Variants in OBSL1 observed in about 807,000 individuals in gnomAD.
OBSL1 encodes obscurin-like protein 1.
In OBSL1, 160 loss-of-function variants were observed where a neutral mutation model predicts 172.0. The ratio of observed to expected loss-of-function variants is 0.93; its 90% confidence interval spans 0.82 to 1.06. The LOEUF is 1.06. OBSL1 is among the 50% of genes least tolerant of loss of function. The probability of loss-of-function intolerance (pLI) is 0.00; values close to 1 mark genes in which losing one functional copy is unlikely to be tolerated. For synonymous variants in OBSL1, 1,200 were observed against 1,196.3 expected, an observed-to-expected ratio of 1.00 and a Z score of -0.06; for missense variants, 2,681 against 2,715.4, an observed-to-expected ratio of 0.99 and a Z score of 0.28.
intron 17 of OBSL1, 83 bp downstream of exon 17, chr2:219,552,785 G>T (rs1004611857): frequency 2.6e-6 from 4 of 1,516,820 alleles, no homozygotes; most frequent in African/African-American, 2.8e-5. Flanking sequence ...AGAAGCACGC[G>T]CGGTCATCAG....
chr2:219,549,292 G>T (rs756736009), downstream of OBSL1: 42 of 1,613,792 alleles, frequency 2.6e-5, no homozygotes, highest in Non-Finnish European at 3.4e-5. Flanking sequence ...TGGGCCACCA[G>T]ACCCTGCTTA....
chr2:219,555,358 C>T lies in OBSL1; in HGVS notation c.4610-618G>A, dbSNP rs111897435. 9.2e-3 allele frequency: 1,422 copies of T among 154,458 alleles called. 18 individuals carry two copies. Among genetic ancestry groups the T allele is most frequent in the African/African-American group, 0.032 (1,322 of 41,570 alleles). 9.6% of individuals were successfully genotyped at this position (154,458 alleles called of 1,614,324 possible). A position where few individuals can be genotyped will look rare whatever the true frequency, so the allele number is the denominator to read the frequency against. On this transcript the variant is annotated intron_variant, in intron 14 of 20. Transcript: ENST00000404537. ...TGTCACCCAGGCTGGAATGCCGTGACATGATCATAGCTCACTATAGCCTCA... is the reference window on the plus strand; with the variant it reads ...TGTCACCCAGGCTGGAATGCCGTGATATGATCATAGCTCACTATAGCCTCA...
At chr2:219,549,295 C>T, downstream of OBSL1, 1 of 1,613,910 alleles carries the variant, frequency 6.2e-7, no homozygotes, top group Non-Finnish European at 8.5e-7. Flanking sequence ...GCCACCAGAC[C>T]CTGCTTATCG....
chr2:219,548,043 A>G, downstream of OBSL1: 1 of 1,581,626 alleles, frequency 6.3e-7, no homozygotes, highest in Non-Finnish European at 8.6e-7. Context: ...GTTCTGGTGC[A>G]GTGGAGGGTG....
rs980006133 is a variant in OBSL1 at position 219,563,232 on chromosome 2, G to A, written c.2680+123C>T. On this transcript the variant is annotated intron_variant, in intron 7 of 20. Transcript: ENST00000404537. ...GCTTGAGGAGAAAGGGAGGAGGTCCGATCTGCCAGGGGGAGGGCAGTAGGG... is the reference window on the plus strand; with the variant it reads ...GCTTGAGGAGAAAGGGAGGAGGTCCAATCTGCCAGGGGGAGGGCAGTAGGG... The A allele has an allele frequency of 9.0e-6, 9 of 996,460 alleles. No individual in the cohort carries two copies. In the African/African-American group the frequency reaches 9.8e-5, roughly 11 times the overall value. The allele number at this position is 996,460 out of a possible 1,614,324, so 61.7% of individuals were successfully genotyped here. A position where few individuals can be genotyped will look rare whatever the true frequency, so the allele number is the denominator to read the frequency against.
In OBSL1 at chr2:219,566,909, G is replaced by T. The variant is rs1043537; in HGVS notation, c.2055C>A (p.Ala685=). 378,307 of 1,609,902 alleles carry T rather than the reference G, an allele frequency of 0.23. 46,655 individuals carry two copies. Among genetic ancestry groups the T allele is most frequent in the South Asian group, 0.3 (26,918 of 91,040 alleles). The change falls in exon 5 of 21, where the codon GCC becomes GCA. Residue 685 remains alanine (A), a synonymous_variant. Coordinates refer to ENST00000404537, the MANE Select transcript of OBSL1 (RefSeq NM_015311.3). ...KGLQHRLILH[A]VKHQDSGALV... ...GGGCACCGCTGTCCTGGTGCTTGAC[G>T]GCATGCAGGATGAGTCTGTGCTGCA...
In OBSL1 at chr2:219,552,933, T is replaced by C; in HGVS notation, c.5081A>G (p.Asp1694Gly). The change falls in exon 17 of 21, where the codon GAC becomes GGC. Residue 1694 changes from aspartate to glycine, a missense_variant. Transcript: ENST00000404537. The stretch of plus-strand genomic sequence containing the variant: ...CACCGCGCAGCTGTAGGTCCCGGCG[T>C]CCGAGGGGCCGCAGCGTCGCAGCTG... ...LLQLRRCGPS[D>G]AGTYSCAVGT... 1 of 1,536,662 alleles carries C rather than the reference T, an allele frequency of 6.5e-7. No individual in the cohort carries two copies. The highest frequency in any genetic ancestry group is 1.2e-5 in the South Asian group (1 of 83,670).
In OBSL1 at chr2:219,554,427, T is replaced by G. The variant is rs778395178; in HGVS notation, c.4876+47A>C. The G allele has an allele frequency of 1.3e-5, 20 of 1,598,398 alleles. No homozygotes were observed. In the South Asian group the frequency reaches 2.1e-4, roughly 17 times the overall value. On this transcript the variant is annotated intron_variant, in intron 15 of 20. Transcript: ENST00000404537. ...GGTCAGTATTCATGCCTGGGGTAAG[T>G]AGGGCCACACAGGTCAGCAGGCAGG...
In OBSL1 at chr2:219,571,277, G is replaced by T; in HGVS notation, c.-45C>A. On this transcript the variant is annotated 5_prime_UTR_variant, in exon 1 of 21. Coordinates refer to ENST00000404537, the MANE Select transcript of OBSL1 (RefSeq NM_015311.3). ...CAGCGGCGAACGGTGGGGGGGCAGG[G>T]GGGGGTGCGGAGGGCGAGCCGAGGC... 2.1e-5 allele frequency: 23 copies of T among 1,086,858 alleles called. 1 individual carries two copies. The highest frequency in any genetic ancestry group is 2.7e-5 in the Non-Finnish European group (23 of 851,242). 67.3% of individuals were successfully genotyped at this position (1,086,858 alleles called of 1,614,324 possible).
At chr2:219,551,267 G>A (rs1247626053) in intron 20 of OBSL1, 7 of 1,403,340 alleles carry the variant, frequency 5.0e-6, no homozygotes, top group Non-Finnish European at 6.5e-6. Context: ...ATGGTCCAGT[G>A]GCAGGAGAGA....
At chr2:219,554,233 G>A in intron 15 of OBSL1, 1 of 582,378 alleles carries the variant, frequency 1.7e-6, no homozygotes, top group South Asian at 2.1e-5. Context: ...GCATGCTCTT[G>A]GTAGCAGAGT....
chr2:219,557,483 A>G lies in OBSL1; in HGVS notation c.3926T>C (p.Leu1309Pro). 1.3e-6 allele frequency: 2 copies of G among 1,552,736 alleles called. No individual in the cohort carries two copies. The highest frequency in any genetic ancestry group is 1.7e-6 in the Non-Finnish European group (2 of 1,148,878). Residue 1309 changes from leucine (L) to proline (P), a missense_variant, in exon 12 of 21, where the codon CTG (leucine) becomes CCG (proline). Physicochemically the swap from Leu to Pro is moderately conservative, Grantham distance 98. This residue lies in a region of OBSL1 where 1,765 missense variants were observed against 1,748.3 expected (regional missense o/e 1.01). Coordinates refer to ENST00000404537, the MANE Select transcript of OBSL1 (RefSeq NM_015311.3). ...CAGCTGCACCCGCCCCTGGCTTGCC[A>G]GTCGCTCCCCGTCCTTGTACCAGCG... ...PVRWYKDGER[L>P]ASQGRVQLEQ...
intron 11 of OBSL1, 42 bp from the exon 12 acceptor site, chr2:219,557,660 A>G: frequency 6.6e-7 from 1 of 1,506,732 alleles, no homozygotes; most frequent in Non-Finnish European, 8.9e-7. Context: ...GGAGAGGCTC[A>G]GGGCTTTGAG....
intron 8 of OBSL1, among the ~76,000 whole-genome samples, chr2:219,561,534 A>G (rs562057730): frequency 6.6e-6 from 1 of 152,220 alleles, no homozygotes; most frequent in Admixed American, 6.5e-5. Flanking sequence ...CCCATGCTCT[A>G]AGATCCTGGA....
At chr2:219,551,932 C>G in intron 19 of OBSL1, 134 bp from the exon 20 acceptor site, 1 of 868,438 alleles carries the variant, frequency 1.2e-6, no homozygotes, top group Non-Finnish European at 1.8e-6. Context: ...CCTTGCACCT[C>G]AGACCCAAAG....
At chr2:219,559,158 T>C in intron 9 of OBSL1, 67 bp downstream of exon 9, 1 of 1,455,024 alleles carries the variant, frequency 6.9e-7, no homozygotes, top group Non-Finnish European at 9.4e-7. Flanking sequence ...GAGGTGGGGC[T>C]AGGTGGGTGT....
In OBSL1 at chr2:219,557,834, A is replaced by G; in HGVS notation, c.3779T>C (p.Val1260Ala). 1 of 1,598,240 alleles carries G rather than the reference A, an allele frequency of 6.3e-7. No individual in the cohort carries two copies. Residue 1260 changes from valine (V) to alanine (A), a missense_variant, in exon 11 of 21, where the codon GTC becomes GCC. Val to Ala is a moderately conservative substitution (Grantham distance 64). This residue lies in a region of OBSL1 where 1,765 missense variants were observed against 1,748.3 expected (regional missense o/e 1.01). Transcript: ENST00000404537. ...APGAPSLSFT[V>A]QVAEPPVRVV... ...CAGGCTGTACTCACCAGCCACCTGG[A>G]CGGTGAAGCTGAGGCTTGGGGCTCC...
At position 219,565,321 on chromosome 2, in the gene OBSL1, A is replaced by G; in HGVS notation, c.2328T>C (p.Pro776=). The G allele has an allele frequency of 6.2e-7, 1 of 1,614,048 alleles. No homozygotes were observed. Among genetic ancestry groups the G allele is most frequent in the Non-Finnish European group, 8.5e-7 (1 of 1,179,894 alleles). The change falls in exon 6 of 21, where the codon CCT becomes CCC. Residue 776 remains proline (P), a synonymous_variant. Coordinates refer to ENST00000404537, the MANE Select transcript of OBSL1 (RefSeq NM_015311.3). ...MDGRKHRLIL[P]EAKVQDSGEF... is the part of the protein sequence containing the mutation. ...CGCCACTGTCCTGGACTTTGGCCTC[A>G]GGCAGGATCAGACGGTGTTTGCGCC...
intron 8 of OBSL1, among the ~76,000 whole-genome samples, chr2:219,559,849 C>G (rs933004850): frequency 1.8e-4 from 27 of 152,126 alleles, no homozygotes; most frequent in South Asian, 4.1e-4. Flanking sequence ...CTTACAGATA[C>G]AAGCATATAT....
Sources: gnomAD v4.1 joint callset for allele counts (sites outside exome capture counted in the v4.1 genomes callset) on GRCh38, gnomAD v4.1.1 for gene constraint, gnomAD v4.1.1 regional missense constraint, MANE v1.5 for transcripts, NCBI Gene and HGNC (gene_info 2026-07-23, HGNC 2026-07-21) for gene names.